Variants in RASAL2 observed in about 807,000 individuals in gnomAD.
RASAL2 encodes the protein ras GTPase-activating protein nGAP.
A neutral mutation model predicts 128.9 loss-of-function variants in RASAL2; 58 were observed. The observed-to-expected ratio is 0.45, with a 90% CI of 0.36 to 0.56. RASAL2 has a LOEUF of 0.56. Among genes scored for constraint, RASAL2 ranks in the 20% least tolerant of loss-of-function variants. The probability of loss-of-function intolerance (pLI) is 0.00; values close to 1 mark genes in which losing one functional copy is unlikely to be tolerated. For synonymous variants in RASAL2, 561 were observed against 580.8 expected (o/e 0.97, Z 0.49); for missense variants, 1,360 against 1,601.6 (o/e 0.85, Z 2.57).
At chr1:178,180,284 A>G (rs1216192257) in intron 1 of RASAL2, among the ~76,000 whole-genome samples, 2 of 152,082 alleles carry the variant, frequency 1.3e-5, no homozygotes, top group Non-Finnish European at 2.9e-5. Context: ...CAGGGAAGAC[A>G]ATGCATTATT....
At chr1:178,257,468 C>A (rs1365881333) in intron 1 of RASAL2, among the ~76,000 whole-genome samples, 1 of 130,066 alleles carries the variant, frequency 7.7e-6, no homozygotes, top group Non-Finnish European at 1.6e-5. Flanking sequence ...GAAATAAAAT[C>A]AAGTGTCTAA....
chr1:178,461,860 A>G (rs1023498944), intron 14 of RASAL2, among the ~76,000 whole-genome samples: 1 of 152,244 alleles, frequency 6.6e-6, no homozygotes, highest in South Asian at 2.1e-4. Flanking sequence ...GTTTATGTCT[A>G]GTAAATACTA....
intron 3 of RASAL2, among the ~76,000 whole-genome samples, chr1:178,307,788 A>G (rs1275413312): frequency 6.6e-6 from 1 of 152,198 alleles, no homozygotes; most frequent in Non-Finnish European, 1.5e-5. Flanking sequence ...TTTTTGTTGT[A>G]TTTCTTTGAC....
At chr1:178,266,790 C>G (rs928210345) in intron 1 of RASAL2, among the ~76,000 whole-genome samples, 5 of 152,142 alleles carry the variant, frequency 3.3e-5, no homozygotes, top group African/African-American at 1.2e-4. Flanking sequence ...TTCATGTAGC[C>G]TGTGGGAAAA....
intron 2 of RASAL2, among the ~76,000 whole-genome samples, chr1:178,287,109 A>T (rs1667064902): frequency 1.3e-5 from 2 of 151,420 alleles, no homozygotes; most frequent in Admixed American, 6.6e-5. Flanking sequence ...TCCTTTGCAT[A>T]CTGTTTCCTT....
At chr1:178,461,397 C>T (rs369635908) in intron 14 of RASAL2, among the ~76,000 whole-genome samples, 4 of 152,026 alleles carry the variant, frequency 2.6e-5, no homozygotes, top group Non-Finnish European at 2.9e-5. Flanking sequence ...CAGTCTTCTA[C>T]GTCTAATGAG....
At chr1:178,178,473 A>G (rs541032113) in intron 1 of RASAL2, among the ~76,000 whole-genome samples, 2 of 152,246 alleles carry the variant, frequency 1.3e-5, no homozygotes, top group South Asian at 4.1e-4. Flanking sequence ...TCTTTTTTAT[A>G]TGAGATATTG....
At chr1:178,358,237 TA>T (rs71567191) in intron 3 of RASAL2, among the ~76,000 whole-genome samples, 4,452 of 34,076 alleles carry the variant, frequency 0.13, 19 homozygotes, top group Non-Finnish European at 0.16. Context: ...CTCTGTCTCC[TA>T]AAAAAAAAAA....
intron 8 of RASAL2, among the ~76,000 whole-genome samples, 195 bp from the exon 9 acceptor site, chr1:178,445,323 A>G (rs1307784696): frequency 3.9e-5 from 6 of 152,134 alleles, no homozygotes; most frequent in Admixed American, 6.6e-5. Flanking sequence ...TGCAATGGAA[A>G]ATCTTTGAGG....
chr1:178,133,166 T>G (rs1307568131), intron 1 of RASAL2, among the ~76,000 whole-genome samples: 1 of 152,216 alleles, frequency 6.6e-6, no homozygotes, highest in Non-Finnish European at 1.5e-5. Flanking sequence ...AGCTCAATGC[T>G]TTGTCCTCTG....
chr1:178,153,780 C>G (rs1363405280), intron 1 of RASAL2, among the ~76,000 whole-genome samples: 1 of 150,752 alleles, frequency 6.6e-6, no homozygotes, highest in Non-Finnish European at 1.5e-5. Flanking sequence ...TTTTTTTTTT[C>G]TTGTGTATAT....
At chr1:178,380,035 C>T (rs1672197414) in intron 3 of RASAL2, among the ~76,000 whole-genome samples, 1 of 152,134 alleles carries the variant, frequency 6.6e-6, no homozygotes, top group South Asian at 2.1e-4. Context: ...TGCAGTCGCA[C>T]GCCGCCACGC....
At chr1:178,341,283 A>C (rs1414796337) in intron 3 of RASAL2, among the ~76,000 whole-genome samples, 1 of 152,198 alleles carries the variant, frequency 6.6e-6, no homozygotes, top group Non-Finnish European at 1.5e-5. Flanking sequence ...GGTAAATCAC[A>C]TTGCTTCTCC....
intron 1 of RASAL2, among the ~76,000 whole-genome samples, chr1:178,257,987 C>T (rs756430753): frequency 2.0e-4 from 30 of 151,048 alleles, no homozygotes; most frequent in Admixed American, 4.6e-4. Context: ...TAAAACAAAA[C>T]GATACCATCA....
chr1:178,270,387 A>G (rs1666190009), intron 1 of RASAL2, among the ~76,000 whole-genome samples: 1 of 149,550 alleles, frequency 6.7e-6, no homozygotes, highest in South Asian at 2.1e-4. Flanking sequence ...TGTCTTTTTG[A>G]TCTATTTTCT....
chr1:178,387,552 G>T (rs575576610), intron 3 of RASAL2, among the ~76,000 whole-genome samples: 57 of 151,296 alleles, frequency 3.8e-4, no homozygotes, highest in African/African-American at 1.3e-3. Context: ...AGTCCCCGGA[G>T]TGTGATGTTC....
At chr1:178,377,371 T>C (rs1672046985) in intron 3 of RASAL2, among the ~76,000 whole-genome samples, 1 of 151,982 alleles carries the variant, frequency 6.6e-6, no homozygotes, top group South Asian at 2.1e-4. Context: ...TTTAACTAAA[T>C]GGCTGAACTC....
chr1:178,137,083 A>C (rs1050645141), intron 1 of RASAL2, among the ~76,000 whole-genome samples: 2 of 152,220 alleles, frequency 1.3e-5, no homozygotes, highest in African/African-American at 4.8e-5. Context: ...TAAATCCACA[A>C]GGGCTATAAT....
At chr1:178,315,230 A>C (rs1465735615) in intron 3 of RASAL2, among the ~76,000 whole-genome samples, 2 of 149,130 alleles carry the variant, frequency 1.3e-5, no homozygotes, top group Non-Finnish European at 3.0e-5. Context: ...TGCTATTGTG[A>C]ATAATGCCGC....
Sources: gnomAD v4.1 joint callset for allele counts (sites outside exome capture counted in the v4.1 genomes callset) on GRCh38, gnomAD v4.1.1 for gene constraint, MANE v1.5 for transcripts, NCBI Gene and HGNC (gene_info 2026-07-23, HGNC 2026-07-21) for gene names.